DNAAF5: variants seen among roughly 807,000 people sequenced by gnomAD.
DNAAF5 encodes HEAT repeat containing 2.
A neutral mutation model predicts 75.8 loss-of-function variants in DNAAF5; 64 were observed. The observed-to-expected ratio is 0.84, with a 90% CI of 0.69 to 1.04. The LOEUF is 1.04. DNAAF5 is among the 50% of genes least tolerant of loss of function. DNAAF5 has a pLI of 0.00. For missense variants in DNAAF5, 1,269 were observed against 1,178.5 expected, an observed-to-expected ratio of 1.08 and a Z score of -1.12; for synonymous variants, 657 against 557.2, an observed-to-expected ratio of 1.18 and a Z score of -2.52.
At chr7:743,316 G>A (rs755555170) in intron 4 of DNAAF5, among the ~76,000 whole-genome samples, 16 of 152,088 alleles carry the variant, frequency 1.1e-4, no homozygotes, top group Non-Finnish European at 1.9e-4. Context: ...TTGAGGCTGC[G>A]GTGAGCTATG....
chr7:762,361 C>A (rs1000623005), intron 7 of DNAAF5, among the ~76,000 whole-genome samples: 6 of 151,964 alleles, frequency 3.9e-5, no homozygotes, highest in Admixed American at 3.3e-4. Context: ...TTGGCATGTG[C>A]CTGTAGTCCC....
At chr7:743,411 T>C (rs1781983273) in intron 4 of DNAAF5, among the ~76,000 whole-genome samples, 1 of 151,896 alleles carries the variant, frequency 6.6e-6, no homozygotes, top group African/African-American at 2.4e-5. Flanking sequence ...TTCTCATGTC[T>C]GGTATTGATG....
chr7:741,208 T>C, intron 3 of DNAAF5, 139 bp from the exon 4 acceptor site: 1 of 708,692 alleles, frequency 1.4e-6, no homozygotes, highest in Non-Finnish European at 2.4e-6. Flanking sequence ...GTGGAATTTC[T>C]GGTCCACCTT....
rs888026075 is a variant in DNAAF5 at position 754,998 on chromosome 7, C to T, written c.1257+177C>T. Among the ~76,000 whole-genome samples, 9 of 152,206 alleles carry T rather than the reference C, an allele frequency of 5.9e-5. No individual in the cohort carries two copies. The highest frequency in any genetic ancestry group is 4.1e-4 in the South Asian group (2 of 4,830). On this transcript the variant is annotated intron_variant, in intron 5 of 12. Coordinates refer to ENST00000297440, the MANE Select transcript of DNAAF5 (RefSeq NM_017802.4). The surrounding 1 kb of genome is among the most constrained non-coding windows in gnomAD (Gnocchi z 4.8). ...GAACAACTGATCTCCTTTCTGTGCC[C>T]GTAGGTAACAGCGTGTTGAGGGTGA...
intron 6 of DNAAF5, among the ~76,000 whole-genome samples, chr7:757,844 GA>G (rs1562388917): frequency 9.8e-5 from 15 of 152,372 alleles, no homozygotes; most frequent in African/African-American, 3.6e-4. Context: ...GCTCCGGCTC[GA>G]TCGTTTCCGG....
chr7:778,655 C>G (rs1371872928), intron 11 of DNAAF5: 1 of 152,338 alleles, frequency 6.6e-6, no homozygotes, highest in Non-Finnish European at 1.5e-5. Flanking sequence ...CTGTCCGGGC[C>G]CATAGATGTT....
At chr7:759,539 TTAGATAACATTGTTTCAG>T (rs1782581754) in intron 6 of DNAAF5, among the ~76,000 whole-genome samples, 1 of 152,240 alleles carries the variant, frequency 6.6e-6, no homozygotes, top group South Asian at 2.1e-4. Context: ...CTTTGCAGTC[TTAGATAACATTGTTTCAG>T]AAAACAATGT....
Position 740,853 on chromosome 7 carries a change from G to A in DNAAF5, c.815G>A (p.Trp272Ter). 1 of 1,614,060 alleles carries A rather than the reference G, an allele frequency of 6.2e-7. No individual in the cohort carries two copies. The highest frequency in any genetic ancestry group is 8.5e-7 in the Non-Finnish European group (1 of 1,180,040). ...GCGGTGGCCTCCGTGGTGGGCGGCTGGCTGCTGTGTCTGCGTGACCGTTAC... is the reference window on the plus strand; with the variant it reads ...GCGGTGGCCTCCGTGGTGGGCGGCTAGCTGCTGTGTCTGCGTGACCGTTAC... ...RRAVASVVGG[W>*]LLCLRDRYSF... Residue 272 changes from tryptophan (W) to a stop codon, truncating the protein, a stop_gained, in exon 3 of 13, where the codon TGG becomes TAG. Coordinates refer to ENST00000297440, the MANE Select transcript of DNAAF5 (RefSeq NM_017802.4). LOFTEE classifies it high-confidence loss of function.
At chr7:771,082 A>C (rs1468749694) in intron 9 of DNAAF5, 1 of 153,616 alleles carries the variant, frequency 6.5e-6, no homozygotes, top group African/African-American at 2.4e-5. Flanking sequence ...TGGCTTATGT[A>C]TTAGCTGTTC....
chr7:781,679 C>T (rs1778950399), intron 12 of DNAAF5, among the ~76,000 whole-genome samples: 1 of 152,190 alleles, frequency 6.6e-6, no homozygotes, highest in Non-Finnish European at 1.5e-5. Flanking sequence ...CTTGTTTCCG[C>T]AGCCATTTTA....
intron 1 of DNAAF5, among the ~76,000 whole-genome samples, chr7:729,316 A>G (rs1286624441): frequency 6.6e-6 from 1 of 152,058 alleles, no homozygotes; most frequent in African/African-American, 2.4e-5. Flanking sequence ...TCCTCTGGCC[A>G]GTGTCCCCGT....
At chr7:733,986 T>A (rs1326721916) in intron 2 of DNAAF5, among the ~76,000 whole-genome samples, 1 of 152,258 alleles carries the variant, frequency 6.6e-6, no homozygotes, top group African/African-American at 2.4e-5. Flanking sequence ...TGAATTTGTT[T>A]ATCTGTTCTA....
intron 2 of DNAAF5, among the ~76,000 whole-genome samples, chr7:736,047 T>C (rs367978945): frequency 6.6e-6 from 1 of 152,256 alleles, no homozygotes; most frequent in Admixed American, 6.5e-5. Flanking sequence ...TTATTTAATT[T>C]CCATGTATTT....
intron 1 of DNAAF5, among the ~76,000 whole-genome samples, chr7:728,929 C>A (rs141888113): frequency 1.3e-5 from 2 of 151,640 alleles, no homozygotes; most frequent in South Asian, 4.2e-4. Flanking sequence ...GTTTCCCAGA[C>A]GGGCCCCAAG....
intron 11 of DNAAF5, among the ~76,000 whole-genome samples, chr7:775,603 C>T (rs565424267): frequency 2.6e-4 from 40 of 152,094 alleles, no homozygotes; most frequent in African/African-American, 9.4e-4. Flanking sequence ...CTTACATTTG[C>T]ATATATAAAT....
Position 747,420 on chromosome 7 carries a change from G to C in DNAAF5, c.1024+5955G>C, listed in dbSNP as rs80228029. Among the ~76,000 whole-genome samples the C allele has an allele frequency of 7.4e-3, 1,121 of 152,304 alleles. 29 individuals are homozygous for C. In the East Asian group the frequency reaches 0.11, roughly 16 times the overall value. On this transcript the variant is annotated intron_variant, in intron 4 of 12. Coordinates refer to ENST00000297440, the MANE Select transcript of DNAAF5 (RefSeq NM_017802.4). ...GTGTGCAATGGTGGCACAGGGTGTT[G>C]GTGGGGTTTGCTATTTTCAGCGTGT...
At chr7:727,464 T>G in intron 1 of DNAAF5, 149 bp downstream of exon 1, 2 of 258,194 alleles carry the variant, frequency 7.7e-6, no homozygotes, top group Middle Eastern at 1.1e-3. Flanking sequence ...ATGCGCCGCT[T>G]CCCCCACCCG....
At chr7:777,944 T>C (rs1047627245) in intron 11 of DNAAF5, among the ~76,000 whole-genome samples, 2 of 152,040 alleles carry the variant, frequency 1.3e-5, no homozygotes, top group African/African-American at 2.4e-5. Context: ...GCTCCCGGGC[T>C]TTTCTGAATC....
chr7:775,160 C>T lies in DNAAF5; in HGVS notation c.2237C>T (p.Pro746Leu). The T allele has an allele frequency of 6.2e-7, 1 of 1,614,006 alleles. No homozygotes were observed. The highest frequency in any genetic ancestry group is 2.2e-5 in the East Asian group (1 of 44,884). The change falls in exon 11 of 13, where the codon CCT (proline) becomes CTT (leucine). Residue 746 changes from proline to leucine, a missense_variant and splice_region_variant. Pro to Leu is a moderately conservative substitution (Grantham distance 98). Transcript: ENST00000297440. ...TDPEKLIRIY[P>L]ELLKRLDDVS... ...CCAGAGAAACTCATCAGGATTTATC[C>T]TGGTAGGACATTTCTGTTGTTCACA...
Sources: allele counts gnomAD v4.1 joint callset (sites outside exome capture counted in the v4.1 genomes callset), GRCh38; gene constraint gnomAD v4.1.1; non-coding constraint Gnocchi (gnomAD v3.1); transcripts MANE v1.5; gene names NCBI Gene and HGNC (gene_info 2026-07-23, HGNC 2026-07-21).